The following SMAD3 variants were observed in gnomAD, a reference collection of about 807,000 sequenced individuals.
The protein encoded by SMAD3 is SMAD family member 3.
SMAD3 carries 12 observed loss-of-function variants against 51.8 expected under a neutral mutation model. The ratio of observed to expected loss-of-function variants is 0.23; its 90% CI spans 0.15 to 0.38. The LOEUF (loss-of-function observed/expected upper bound fraction) is 0.38. SMAD3 is among the 10% of genes least tolerant of loss of function. SMAD3 has a pLI of 1.00. For synonymous variants in SMAD3, 238 were observed against 227.7 expected (o/e 1.05, Z -0.41); for missense variants, 294 against 565.6 (o/e 0.52, Z 4.87).
At chr15:67,102,267 T>TGTGTGTGC (rs781214785) in intron 1 of SMAD3, among the ~76,000 whole-genome samples, 88 of 132,064 alleles carry the variant, frequency 6.7e-4, no homozygotes, top group East Asian at 5.4e-3. Flanking sequence ...TGTGTGTGTG[T>TGTGTGTGC]GCGGTGTGTG....
At chr15:67,125,343 T>A (rs1248158107) in intron 1 of SMAD3, among the ~76,000 whole-genome samples, 2 of 152,252 alleles carry the variant, frequency 1.3e-5, no homozygotes, top group Non-Finnish European at 2.9e-5. Flanking sequence ...CTGTTGCCTT[T>A]CTGTGGCTAG....
intron 1 of SMAD3, among the ~76,000 whole-genome samples, chr15:67,078,507 C>T (rs570794382): frequency 8.1e-4 from 123 of 152,314 alleles, no homozygotes; most frequent in African/African-American, 2.9e-3. Flanking sequence ...AGATTATATT[C>T]CTTAATGAGA....
At chr15:67,148,931 C>G (rs893595259) in intron 1 of SMAD3, among the ~76,000 whole-genome samples, 1 of 152,216 alleles carries the variant, frequency 6.6e-6, no homozygotes, top group Non-Finnish European at 1.5e-5. Flanking sequence ...TCCTTTCCCT[C>G]AAGGAGCTCC....
At chr15:67,164,354 A>C (rs1962516972) in intron 1 of SMAD3, among the ~76,000 whole-genome samples, 1 of 148,596 alleles carries the variant, frequency 6.7e-6, no homozygotes, top group Non-Finnish European at 1.5e-5. Flanking sequence ...AAGAGGAGGA[A>C]AGGCAAGTTT....
chr15:67,135,883 T>C (rs916269976), intron 1 of SMAD3, among the ~76,000 whole-genome samples: 7 of 152,252 alleles, frequency 4.6e-5, no homozygotes, highest in African/African-American at 1.7e-4. Flanking sequence ...CAGGTATTTG[T>C]AACATCTCTT....
At chr15:67,077,993 C>T (rs1960207062) in intron 1 of SMAD3, 1 of 152,286 alleles carries the variant, frequency 6.6e-6, no homozygotes, top group African/African-American at 2.4e-5. Flanking sequence ...TCATTTCCTC[C>T]TCTTACCCAG....
In SMAD3 at chr15:67,191,979, C is replaced by G; in HGVS notation, c.*1443C>G. 4.4e-6 allele frequency: 1 copy of G among 229,804 alleles called. No individual in the cohort carries two copies. Among genetic ancestry groups the G allele is most frequent in the Non-Finnish European group, 8.7e-6 (1 of 115,584 alleles). The allele number at this position is 229,804 out of a possible 1,614,324, so 14.2% of individuals were successfully genotyped here. A position where few individuals can be genotyped will look rare whatever the true frequency, so the allele number is the denominator to read the frequency against. ...GTCCTCTTCTTTTCCCAGCCTTTTGCAGAACACAGTAGACAGAACTGCCAC... is the reference window on the plus strand; with the variant it reads ...GTCCTCTTCTTTTCCCAGCCTTTTGGAGAACACAGTAGACAGAACTGCCAC... On this transcript the variant is annotated 3_prime_UTR_variant, in exon 9 of 9. Coordinates refer to ENST00000327367, the MANE Select transcript of SMAD3 (RefSeq NM_005902.4).
intron 5 of SMAD3, among the ~76,000 whole-genome samples, chr15:67,173,555 T>G (rs1200977089): frequency 2.0e-5 from 3 of 152,148 alleles, no homozygotes; most frequent in Admixed American, 2.0e-4. Context: ...AAAAGGAGGC[T>G]GAAATGGCAG....
At chr15:67,077,217 T>G (rs1276752232) in intron 1 of SMAD3, among the ~76,000 whole-genome samples, 1 of 151,770 alleles carries the variant, frequency 6.6e-6, no homozygotes, top group Non-Finnish European at 1.5e-5. Flanking sequence ...GGGCAGGCAT[T>G]TCTGTATGTA....
intron 1 of SMAD3, among the ~76,000 whole-genome samples, chr15:67,162,907 C>T (rs368135481): frequency 1.3e-3 from 196 of 151,884 alleles, no homozygotes; most frequent in African/African-American, 4.6e-3. Flanking sequence ...TTGTTATTTT[C>T]GTTCAGGACA....
chr15:67,153,728 C>T (rs1595933758), intron 1 of SMAD3, among the ~76,000 whole-genome samples: 1 of 152,178 alleles, frequency 6.6e-6, no homozygotes, highest in East Asian at 1.9e-4. Flanking sequence ...CTACACAGGA[C>T]AGCCCCCTAG....
At chr15:67,097,643 T>C (rs1960643490) in intron 1 of SMAD3, among the ~76,000 whole-genome samples, 1 of 152,122 alleles carries the variant, frequency 6.6e-6, no homozygotes, top group Non-Finnish European at 1.5e-5. Flanking sequence ...TAATGGTAAT[T>C]ATCTTATAGC....
intron 1 of SMAD3, among the ~76,000 whole-genome samples, chr15:67,102,644 A>G (rs944129889): frequency 2.6e-5 from 4 of 151,946 alleles, no homozygotes; most frequent in African/African-American, 9.7e-5. Flanking sequence ...ATGATGGGGA[A>G]TTCTGTTAAA....
At chr15:67,075,443 G>A (rs775966645) in intron 1 of SMAD3, among the ~76,000 whole-genome samples, 2 of 152,194 alleles carry the variant, frequency 1.3e-5, no homozygotes, top group African/African-American at 2.4e-5. Flanking sequence ...GAGCAGGAGA[G>A]GGGGAGGACA....
In SMAD3 at chr15:67,184,871, G is replaced by A. The variant is rs772242555; in HGVS notation, c.1009+7G>A. Reference sequence around the variant, plus strand: ...GTCTGCAAGATCCCACCAGGTAAACGAGCCGCACAGGCACCCCTGCCTTGA... The same window carrying A: ...GTCTGCAAGATCCCACCAGGTAAACAAGCCGCACAGGCACCCCTGCCTTGA... On this transcript the variant is annotated splice_region_variant and intron_variant, in intron 7 of 8. Coordinates refer to ENST00000327367, the MANE Select transcript of SMAD3 (RefSeq NM_005902.4). 70 of 1,612,352 alleles carry A rather than the reference G, an allele frequency of 4.3e-5. No individual in the cohort carries two copies. The highest frequency in any genetic ancestry group is 4.5e-5 in the East Asian group (2 of 44,902).
At chr15:67,101,910 G>GA (rs1960766581) in intron 1 of SMAD3, among the ~76,000 whole-genome samples, 1 of 152,248 alleles carries the variant, frequency 6.6e-6, no homozygotes, top group Admixed American at 6.5e-5. Context: ...GCCACTGAAA[G>GA]AAACAAGAAT....
intron 1 of SMAD3, among the ~76,000 whole-genome samples, chr15:67,102,303 G>A (rs904568897): frequency 6.6e-6 from 1 of 151,546 alleles, no homozygotes; most frequent in Admixed American, 6.6e-5. Flanking sequence ...GCATGAGTTT[G>A]TGTTGAGAGA....
At chr15:67,088,997 T>C (rs1176386260) in intron 1 of SMAD3, among the ~76,000 whole-genome samples, 1 of 152,092 alleles carries the variant, frequency 6.6e-6, no homozygotes, top group African/African-American at 2.4e-5. Flanking sequence ...AGGGTGACCT[T>C]TCTCCAGAGA....
intron 3 of SMAD3, 151 bp downstream of exon 3, chr15:67,165,535 A>C: frequency 1.1e-6 from 1 of 908,210 alleles, no homozygotes; most frequent in Non-Finnish European, 1.7e-6. Flanking sequence ...CTGACTCAGA[A>C]CCGCATCCCT....
Sources: gnomAD v4.1 joint callset for allele counts (sites outside exome capture counted in the v4.1 genomes callset) on GRCh38, gnomAD v4.1.1 for gene constraint, MANE v1.5 for transcripts, NCBI Gene and HGNC (gene_info 2026-07-23, HGNC 2026-07-21) for gene names.